Variants in PARD3B observed in about 807,000 individuals in gnomAD.
PARD3B encodes the protein partitioning defective 3 homolog B.
A neutral mutation model predicts 130.2 loss-of-function variants in PARD3B; 103 were observed. The observed-to-expected ratio is 0.79, with a 90% confidence interval of 0.67 to 0.93. PARD3B has a LOEUF of 0.93. PARD3B is among the 40% of genes least tolerant of loss of function. The pLI is 0.00. For synonymous variants in PARD3B, 583 were observed against 553.2 expected (o/e 1.05, Z -0.76); for missense variants, 1,609 against 1,499.2 (o/e 1.07, Z -1.21).
chr2:204,603,119 G>A (rs1170058797), intron 1 of PARD3B, among the ~76,000 whole-genome samples: 2 of 152,118 alleles, frequency 1.3e-5, no homozygotes, highest in Non-Finnish European at 2.9e-5. Context: ...ATGAGGAAGG[G>A]TAGATAGATG....
intron 18 of PARD3B, among the ~76,000 whole-genome samples, chr2:205,370,750 T>C (rs2044782478): frequency 6.6e-6 from 1 of 152,238 alleles, no homozygotes; most frequent in South Asian, 2.1e-4. Flanking sequence ...ACAGTAGCAC[T>C]TTTAACTTGG....
At chr2:205,113,061 C>T (rs756449974) in intron 5 of PARD3B, among the ~76,000 whole-genome samples, 4 of 152,162 alleles carry the variant, frequency 2.6e-5, no homozygotes, top group Non-Finnish European at 4.4e-5. Context: ...CATTTTTCCT[C>T]TGTTCCAGAG....
chr2:204,802,696 A>C (rs905473587), intron 2 of PARD3B, among the ~76,000 whole-genome samples: 5 of 152,188 alleles, frequency 3.3e-5, no homozygotes, highest in African/African-American at 1.2e-4. Flanking sequence ...TTGCAGGGAC[A>C]TGGATGAAGC....
chr2:204,660,976 C>T (rs2035788763), intron 1 of PARD3B, among the ~76,000 whole-genome samples: 1 of 152,060 alleles, frequency 6.6e-6, no homozygotes, highest in Admixed American at 6.6e-5. Context: ...TGCCTGGATA[C>T]CTGTGTATTG....
chr2:205,247,778 T>C (rs573945336), intron 16 of PARD3B, among the ~76,000 whole-genome samples: 7 of 152,296 alleles, frequency 4.6e-5, no homozygotes, highest in East Asian at 1.9e-4. Context: ...CCAAAAACCA[T>C]ATACTGTAGA....
chr2:205,586,429 C>T (rs1322932500), intron 22 of PARD3B, among the ~76,000 whole-genome samples: 1 of 152,124 alleles, frequency 6.6e-6, no homozygotes, highest in South Asian at 2.1e-4. Context: ...CTCTTGTCAC[C>T]TAGTATCCAG....
At chr2:205,144,216 G>T (rs2033182606) in intron 10 of PARD3B, among the ~76,000 whole-genome samples, 1 of 152,190 alleles carries the variant, frequency 6.6e-6, no homozygotes, top group African/African-American at 2.4e-5. Context: ...CTTCAGGCAT[G>T]TGGTGGTCCA....
chr2:205,322,358 A>G (rs2105968713), intron 18 of PARD3B, among the ~76,000 whole-genome samples: 1 of 152,234 alleles, frequency 6.6e-6, no homozygotes, highest in East Asian at 1.9e-4. Flanking sequence ...TCCAGGTCAA[A>G]GTCTTGTGTC....
intron 10 of PARD3B, among the ~76,000 whole-genome samples, chr2:205,129,978 A>G (rs928930125): frequency 6.6e-6 from 1 of 152,218 alleles, no homozygotes; most frequent in Non-Finnish European, 1.5e-5. Flanking sequence ...GTTTAGCAGC[A>G]TATTTAGCCA....
At chr2:204,708,261 AGCC>A (rs1312997553) in intron 2 of PARD3B, among the ~76,000 whole-genome samples, 1 of 152,180 alleles carries the variant, frequency 6.6e-6, no homozygotes. Flanking sequence ...CTCCTGCCTC[AGCC>A]TGTCAAAGTG....
In PARD3B at chr2:205,351,436, T is replaced by G. The variant is rs1312245017; in HGVS notation, c.2631-49577T>G. On this transcript the variant is annotated intron_variant, in intron 18 of 22. Coordinates refer to ENST00000406610, the MANE Select transcript of PARD3B (RefSeq NM_001302769.2). This position sits in a 1 kb window ranked among gnomAD's most constrained non-coding sequence, Gnocchi z 4.2. ...TTTTCAGAAAACTGAAAGGTTGCCCTCAAGCTAGGTGCTGGAGGGATTTTG... is the reference window on the plus strand; with the variant it reads ...TTTTCAGAAAACTGAAAGGTTGCCCGCAAGCTAGGTGCTGGAGGGATTTTG... Among the ~76,000 whole-genome samples the G allele has an allele frequency of 6.6e-6, 1 of 152,154 alleles. No homozygotes were observed. Among genetic ancestry groups the G allele is most frequent in the Non-Finnish European group, 1.5e-5 (1 of 68,026 alleles).
intron 2 of PARD3B, among the ~76,000 whole-genome samples, chr2:204,743,602 A>G (rs2040099391): frequency 6.6e-6 from 1 of 152,188 alleles, no homozygotes; most frequent in East Asian, 1.9e-4. Context: ...GGTTTATATC[A>G]GCCAGCTCAT....
rs2041166139 is a variant in PARD3B, at chr2:205,281,008, G to A, written c.2186-19522G>A. On this transcript the variant is annotated intron_variant, in intron 16 of 22. Transcript: ENST00000406610. The surrounding 1 kb of genome is among the most constrained non-coding windows in gnomAD (Gnocchi z 4.2). ...AATTTTAACTTTACTTATGAGCAAA[G>A]GCTGAAACACTGTGAAAGCCTTTTT... is the stretch of plus-strand genomic sequence containing the variant. Among the ~76,000 whole-genome samples the A allele has an allele frequency of 6.6e-6, 1 of 152,252 alleles. No individual in the cohort carries two copies. Among genetic ancestry groups the A allele is most frequent in the Non-Finnish European group, 1.5e-5 (1 of 68,008 alleles).
chr2:205,485,792 T>A (rs1190706254), intron 20 of PARD3B, among the ~76,000 whole-genome samples: 1 of 152,136 alleles, frequency 6.6e-6, no homozygotes, highest in Non-Finnish European at 1.5e-5. Flanking sequence ...TTTCAAGTGG[T>A]GTTCCTTCCA....
chr2:204,928,743 T>C (rs1317287668), intron 2 of PARD3B, among the ~76,000 whole-genome samples: 1 of 152,146 alleles, frequency 6.6e-6, no homozygotes, highest in Non-Finnish European at 1.5e-5. Context: ...TGATTTAGCA[T>C]TCTCCTCTGC....
chr2:204,571,217 G>A (rs538889681), intron 1 of PARD3B, among the ~76,000 whole-genome samples: 2 of 152,290 alleles, frequency 1.3e-5, no homozygotes, highest in Non-Finnish European at 2.9e-5. Context: ...TTGGCATCTG[G>A]CCCTGGGGAT....
At chr2:205,361,637 G>A (rs975348249) in intron 18 of PARD3B, among the ~76,000 whole-genome samples, 2 of 152,128 alleles carry the variant, frequency 1.3e-5, no homozygotes, top group African/African-American at 4.8e-5. Flanking sequence ...AACGTCTTTA[G>A]GTAACTAATC....
chr2:205,279,082 A>ACAAC (rs1187401653), intron 16 of PARD3B, among the ~76,000 whole-genome samples: 2 of 150,130 alleles, frequency 1.3e-5, no homozygotes, highest in Non-Finnish European at 1.5e-5. Flanking sequence ...AAAAAAAAAA[A>ACAAC]AAAAAAAAAA....
intron 16 of PARD3B, among the ~76,000 whole-genome samples, chr2:205,272,029 A>C (rs1214254146): frequency 6.6e-6 from 1 of 151,990 alleles, no homozygotes; most frequent in East Asian, 1.9e-4. Flanking sequence ...ATGGTAGTGC[A>C]CACCTGTAGT....
Sources: gnomAD v4.1 joint callset for allele counts (sites outside exome capture counted in the v4.1 genomes callset) on GRCh38, gnomAD v4.1.1 for gene constraint, Gnocchi (gnomAD v3.1) non-coding constraint, MANE v1.5 for transcripts, NCBI Gene and HGNC (gene_info 2026-07-23, HGNC 2026-07-21) for gene names.